ARL10: variants seen among roughly 807,000 people sequenced by gnomAD.
The protein encoded by ARL10 is ARF like GTPase 10.
A neutral mutation model predicts 26.1 loss-of-function variants in ARL10; 23 were observed. The observed-to-expected ratio is 0.88, with a 90% CI of 0.63 to 1.25. The LOEUF (loss-of-function observed/expected upper bound fraction) is 1.25. Among genes scored for constraint, ARL10 ranks in the 50% most tolerant of loss-of-function variants. ARL10 has a pLI of 0.00. For synonymous variants in ARL10, 138 were observed against 149.1 expected (o/e 0.93, Z 0.54); for missense variants, 300 against 323.6 (o/e 0.93, Z 0.56).
chr5:176,401,777 C>A (rs747532701), exon 2 of ARL10: 2 of 456,188 alleles, frequency 4.4e-6, no homozygotes, highest in Non-Finnish European at 8.8e-6. Flanking sequence ...AACAATTTCC[C>A]GAGGGTGCTG....
chr5:176,383,884 T>C (rs1581402095), downstream of ARL10: 4 of 1,287,770 alleles, frequency 3.1e-6, no homozygotes. Context: ...GTAGAGGTGG[T>C]TTTCACCGGG....
At chr5:176,396,584 G>T in intron 1 of ARL10, 1 of 1,330,048 alleles carries the variant, frequency 7.5e-7, no homozygotes. Context: ...CAGATGGCAA[G>T]ACAGACAGGC....
At position 176,393,931 on chromosome 5, in the gene ARL10, T is replaced by C. The variant is rs1271162074; in HGVS notation, c.134-7810T>C. ...CAAGTCCCTGGAAGCCCCCTCTCCA[T>C]CTCAAGCAGGACCAGTTCTGCCGAT... is the stretch of plus-strand genomic sequence containing the variant. On this transcript the variant is annotated intron_variant, in intron 1 of 1. Coordinates refer to the ARL10 transcript ENST00000514533. The surrounding 1 kb of genome is among the most constrained non-coding windows in gnomAD (Gnocchi z 4.4). Among the ~76,000 whole-genome samples, 1 of 152,166 alleles carries C rather than the reference T, an allele frequency of 6.6e-6. No individual in the cohort carries two copies. The highest frequency in any genetic ancestry group is 1.5e-5 in the Non-Finnish European group (1 of 68,022).
the ARL10 span, among the ~76,000 whole-genome samples, chr5:176,408,177 G>A: frequency 6.6e-6 from 1 of 152,012 alleles, no homozygotes; most frequent in Admixed American, 6.6e-5. Context: ...AGTTAGGTGG[G>A]TGCGGACAGA....
At position 176,397,684 on chromosome 5, in the gene ARL10, C is replaced by G. The variant is rs746439828; in HGVS notation, c.134-4057C>G. On this transcript the variant is annotated intron_variant, in intron 1 of 1. Transcript: ENST00000514533. ...CCTCCAGGTCCTTCTTGGCCTTCTC[C>G]CGCCATTCCTGTTCCGTGACCTTAG... 2.5e-6 allele frequency: 4 copies of G among 1,613,758 alleles called. No homozygotes were observed. The East Asian group carries it at 6.7e-5, about 27-fold the overall frequency.
rs566697358 is a variant in ARL10 at position 176,373,194 on chromosome 5, C to T, written c.*1299C>T. 23 of 396,296 alleles carry T rather than the reference C, an allele frequency of 5.8e-5. No homozygotes were observed. Among genetic ancestry groups the T allele is most frequent in the East Asian group, 4.3e-4 (12 of 28,002 alleles). The allele number at this position is 396,296 out of a possible 1,614,324, so 24.5% of individuals were successfully genotyped here. A position where few individuals can be genotyped will look rare whatever the true frequency, so the allele number is the denominator to read the frequency against. On this transcript the variant is annotated 3_prime_UTR_variant, in exon 4 of 4. Coordinates refer to ENST00000310389, the MANE Select transcript of ARL10 (RefSeq NM_173664.6). The stretch of plus-strand genomic sequence containing the variant: ...AGGACAGGAATAGCAGACCAGCCAA[C>T]GGGATGGCCTTGGGTACATCACTCA...
downstream of ARL10, chr5:176,384,393 CT>C (rs747924922): frequency 3.1e-6 from 5 of 1,603,304 alleles, no homozygotes; most frequent in African/African-American, 5.3e-5. Context: ...AGAAGGGCTA[CT>C]TTAAGGAGGG....
downstream of ARL10, chr5:176,389,541 A>C: frequency 6.4e-7 from 1 of 1,564,030 alleles, no homozygotes; most frequent in Non-Finnish European, 8.7e-7. Context: ...TGATTCCAAA[A>C]CCCAGGGAGC....
chr5:176,402,498 G>C (rs1042138244), downstream of ARL10, among the ~76,000 whole-genome samples: 1 of 152,102 alleles, frequency 6.6e-6, no homozygotes, highest in Non-Finnish European at 1.5e-5. Flanking sequence ...CTAGAATCGA[G>C]GGTCTACAGC....
At chr5:176,397,194 A>G (rs922366600) in intron 1 of ARL10, among the ~76,000 whole-genome samples, 6 of 152,112 alleles carry the variant, frequency 3.9e-5, no homozygotes, top group Non-Finnish European at 5.9e-5. Flanking sequence ...TTCCCTAGAC[A>G]GAAGGGTAGC....
downstream of ARL10, chr5:176,383,987 C>T (rs766039836): frequency 1.3e-6 from 2 of 1,533,488 alleles, no homozygotes; most frequent in Non-Finnish European, 1.7e-6. Context: ...ATATTTACAT[C>T]ACCCACCCTG....
chr5:176,371,515 AT>A (rs1768541268), intron 3 of ARL10, among the ~76,000 whole-genome samples: 3 of 145,596 alleles, frequency 2.1e-5, no homozygotes, highest in African/African-American at 7.5e-5. Context: ...ATTCCCGGGG[AT>A]AGCCTAAGAA....
At chr5:176,410,439 G>T in the ARL10 span, 1 of 651,922 alleles carries the variant, frequency 1.5e-6, no homozygotes, top group South Asian at 1.9e-5. Flanking sequence ...CAGACATAAT[G>T]GATATATATA....
chr5:176,369,183 G>A, intron 3 of ARL10: 1 of 1,530,058 alleles, frequency 6.5e-7, no homozygotes, highest in Non-Finnish European at 8.7e-7. Flanking sequence ...ACTCTGGAGA[G>A]ATGAGAAAAA....
At chr5:176,410,420 A>G in the ARL10 span, 16 of 727,764 alleles carry the variant, frequency 2.2e-5, no homozygotes, top group Middle Eastern at 2.3e-4. Flanking sequence ...ATATCGACCC[A>G]CATGCAAACA....
downstream of ARL10, chr5:176,385,296 C>T (rs1013152581): frequency 6.2e-7 from 1 of 1,612,916 alleles, no homozygotes; most frequent in Non-Finnish European, 8.5e-7. Flanking sequence ...TATTTCCTTT[C>T]TTTTCTGGAA....
At chr5:176,389,213 C>G (rs2113607840), downstream of ARL10, 5 of 1,293,274 alleles carry the variant, frequency 3.9e-6, no homozygotes, top group Admixed American at 2.1e-5. Flanking sequence ...GACCTACCCT[C>G]GCCGCCCTCC....
At chr5:176,414,045 G>A in the ARL10 span, among the ~76,000 whole-genome samples, 1 of 152,164 alleles carries the variant, frequency 6.6e-6, no homozygotes, top group East Asian at 1.9e-4. Context: ...CCTGGGAGAG[G>A]CCACAACCTG....
In ARL10 at chr5:176,376,384, T is replaced by G. The variant is rs925152076; in HGVS notation, c.*4489T>G. The G allele has an allele frequency of 3.4e-5, 5 of 147,508 alleles. No individual in the cohort carries two copies. Among genetic ancestry groups the G allele is most frequent in the Non-Finnish European group, 7.4e-5 (5 of 67,174 alleles). 9.1% of individuals were successfully genotyped at this position (147,508 alleles called of 1,614,324 possible). Reference sequence around the variant, plus strand: ...CTCAAAAAAAAAAAAAAAAAAAGGTTAGCATTCCACTCTTCCTTTGGGGTT... The same window carrying G: ...CTCAAAAAAAAAAAAAAAAAAAGGTGAGCATTCCACTCTTCCTTTGGGGTT... On this transcript the variant is annotated 3_prime_UTR_variant, in exon 4 of 4. Transcript: ENST00000310389.
Sources: allele counts gnomAD v4.1 joint callset (sites outside exome capture counted in the v4.1 genomes callset), GRCh38; gene constraint gnomAD v4.1.1; non-coding constraint Gnocchi (gnomAD v3.1); transcripts MANE v1.5; gene names NCBI Gene and HGNC (gene_info 2026-07-23, HGNC 2026-07-21).